Variants in TENM4 observed in about 807,000 individuals in gnomAD.
TENM4 encodes teneurin transmembrane protein 4, also known as teneurin-4.
A neutral mutation model predicts 243.3 loss-of-function variants in TENM4; 82 were observed. That is an observed-to-expected ratio of 0.34 (90% confidence interval 0.28 to 0.40). The LOEUF is 0.40. Ranked by LOEUF, TENM4 falls within the 10% of genes least tolerant of loss-of-function variation. TENM4 has a pLI of 1.00. For missense variants in TENM4, 3,138 were observed against 3,673.3 expected (o/e 0.85, Z 3.77); for synonymous variants, 1,412 against 1,456.3 (o/e 0.97, Z 0.69).
At chr11:78,964,036 CTTT>C (rs1002218964) in intron 6 of TENM4, among the ~76,000 whole-genome samples, 5 of 109,390 alleles carry the variant, frequency 4.6e-5, no homozygotes, top group African/African-American at 1.8e-4. Context: ...CACACCCAGA[CTTT>C]TTTTTTTTTT....
intron 4 of TENM4, among the ~76,000 whole-genome samples, chr11:79,130,131 G>C (rs909420243): frequency 6.6e-6 from 1 of 152,154 alleles, no homozygotes; most frequent in African/African-American, 2.4e-5. Flanking sequence ...ACCCAGAAGA[G>C]AGACAACAAT....
At chr11:79,371,504 G>A (rs1010968082) in intron 1 of TENM4, among the ~76,000 whole-genome samples, 2 of 152,134 alleles carry the variant, frequency 1.3e-5, no homozygotes, top group East Asian at 3.9e-4. Flanking sequence ...CTCACCATTG[G>A]CTTTAGTTCT....
intron 1 of TENM4, among the ~76,000 whole-genome samples, chr11:79,424,097 AG>A (rs2135595619): frequency 6.6e-6 from 1 of 152,328 alleles, no homozygotes; most frequent in Non-Finnish European, 1.5e-5. Context: ...GTCTGCCAAA[AG>A]TCATACAAGC....
At chr11:79,112,067 C>T (rs1179590550) in intron 4 of TENM4, among the ~76,000 whole-genome samples, 1 of 152,152 alleles carries the variant, frequency 6.6e-6, no homozygotes, top group Non-Finnish European at 1.5e-5. Flanking sequence ...TGGAAGCTGC[C>T]TCATTGGTCG....
At chr11:79,402,022 T>G (rs773201844) in intron 1 of TENM4, 4 of 416,046 alleles carry the variant, frequency 9.6e-6, no homozygotes, top group African/African-American at 2.0e-5. Context: ...TAGGGTAAGG[T>G]CCCTGCCCTC....
intron 15 of TENM4, among the ~76,000 whole-genome samples, chr11:78,796,203 G>C (rs1201113984): frequency 6.6e-6 from 1 of 152,172 alleles, no homozygotes; most frequent in Non-Finnish European, 1.5e-5. Context: ...GAAGCAGTAA[G>C]CCACTGCTAT....
intron 6 of TENM4, among the ~76,000 whole-genome samples, chr11:79,028,365 C>CAGGA (rs1859136510): frequency 6.6e-6 from 1 of 152,194 alleles, no homozygotes; most frequent in African/African-American, 2.4e-5. Flanking sequence ...GATTTGCTGG[C>CAGGA]AGGAGGCTTC....
At chr11:78,675,306 T>A (rs1858439989) in intron 30 of TENM4, among the ~76,000 whole-genome samples, 1 of 152,244 alleles carries the variant, frequency 6.6e-6, no homozygotes, top group East Asian at 1.9e-4. Flanking sequence ...TAAGAGAGTC[T>A]GAGCTGTGTT....
chr11:78,720,478 G>T, intron 24 of TENM4, 88 bp from the exon 25 acceptor site: 1 of 1,339,522 alleles, frequency 7.5e-7, no homozygotes, highest in Non-Finnish European at 1.1e-6. Context: ...CTGAAAACTT[G>T]ACAGCAATGG....
chr11:79,423,646 G>T (rs1858986798), intron 1 of TENM4, among the ~76,000 whole-genome samples: 1 of 151,522 alleles, frequency 6.6e-6, no homozygotes, highest in Non-Finnish European at 1.5e-5. Flanking sequence ...AGAACAAGGG[G>T]CGAGTCTATG....
chr11:78,775,889 TGAA>T (rs1195543286), intron 17 of TENM4, among the ~76,000 whole-genome samples: 1 of 152,240 alleles, frequency 6.6e-6, no homozygotes, highest in African/African-American at 2.4e-5. Context: ...CTTAGGCCTA[TGAA>T]GAAGTCCCCC....
At chr11:79,200,304 T>A (rs1006280473) in intron 3 of TENM4, among the ~76,000 whole-genome samples, 2 of 152,220 alleles carry the variant, frequency 1.3e-5, no homozygotes, top group Admixed American at 1.3e-4. Flanking sequence ...ATGCTGGGCA[T>A]CACATAGTGG....
At position 78,969,002 on chromosome 11, in the gene TENM4, T is replaced by C. The variant is rs79518743; in HGVS notation, c.494-65479A>G. 3.5e-3 allele frequency among the ~76,000 whole-genome samples: 531 copies of C among 152,302 alleles called. 5 individuals carry two copies. The highest frequency in any genetic ancestry group is 0.012 in the African/African-American group (499 of 41,574). On this transcript the variant is annotated intron_variant, in intron 6 of 33. Transcript: ENST00000278550. Reference sequence around the variant, plus strand: ...TGATAAGTCACTTTACTTCTCTTAGTGTTAATTTTCTCCTTAGAAAAAAAG... The same window carrying C: ...TGATAAGTCACTTTACTTCTCTTAGCGTTAATTTTCTCCTTAGAAAAAAAG...
At chr11:79,139,091 T>G (rs1285254737) in intron 4 of TENM4, among the ~76,000 whole-genome samples, 2 of 33,688 alleles carry the variant, frequency 5.9e-5, no homozygotes, top group East Asian at 1.6e-3. Context: ...TATATTTCTA[T>G]AAATATATAA....
intron 6 of TENM4, among the ~76,000 whole-genome samples, chr11:78,951,717 A>G (rs1420826486): frequency 6.6e-6 from 1 of 152,126 alleles, no homozygotes; most frequent in African/African-American, 2.4e-5. Context: ...CTATCTGATC[A>G]GGGCTCTACC....
At chr11:78,921,289 A>C (rs141074421) in intron 6 of TENM4, among the ~76,000 whole-genome samples, 1 of 152,296 alleles carries the variant, frequency 6.6e-6, no homozygotes, top group East Asian at 1.9e-4. Context: ...TGGGTCTGTC[A>C]TGTGTCTGGA....
intron 1 of TENM4, among the ~76,000 whole-genome samples, chr11:79,370,210 A>G (rs1274635753): frequency 6.6e-6 from 1 of 152,222 alleles, no homozygotes; most frequent in Non-Finnish European, 1.5e-5. Flanking sequence ...ATGGAGGCCA[A>G]CCCTTCACAT....
In TENM4 at chr11:79,214,753, A is replaced by G. The variant is rs141392400; in HGVS notation, c.-163+1055T>C. The stretch of plus-strand genomic sequence containing the variant: ...TCAGGACCAACACATTTAAGAGTCA[A>G]TGTTCAACCTTCCAGTGATTTCCTC... On this transcript the variant is annotated intron_variant, in intron 3 of 33. Transcript: ENST00000278550. 3.6e-4 allele frequency among the ~76,000 whole-genome samples: 55 copies of G among 152,334 alleles called. 1 individual carries two copies. The East Asian group carries it at 9.7e-3, about 27-fold the overall frequency.
intron 10 of TENM4, among the ~76,000 whole-genome samples, 162 bp downstream of exon 10, chr11:78,862,800 T>C (rs754330575): frequency 2.6e-5 from 4 of 152,104 alleles, no homozygotes; most frequent in African/African-American, 4.8e-5. Context: ...AAGACACAGG[T>C]GGACTGGCAG....
Sources: allele counts gnomAD v4.1 joint callset (sites outside exome capture counted in the v4.1 genomes callset), GRCh38; gene constraint gnomAD v4.1.1; transcripts MANE v1.5; gene names NCBI Gene and HGNC (gene_info 2026-07-23, HGNC 2026-07-21).